Variants in TOP1MT observed in about 807,000 individuals in gnomAD.
TOP1MT encodes DNA topoisomerase I, mitochondrial.
A neutral mutation model predicts 73.9 loss-of-function variants in TOP1MT; 80 were observed. That is an observed-to-expected ratio of 1.08 (90% confidence interval 0.90 to 1.30). The LOEUF (loss-of-function observed/expected upper bound fraction) is 1.30. Among genes scored for constraint, TOP1MT ranks in the 50% most tolerant of loss-of-function variants. The probability of loss-of-function intolerance (pLI) is 0.00; values close to 1 mark genes in which losing one functional copy is unlikely to be tolerated. For missense variants in TOP1MT, 815 were observed against 808.0 expected, an observed-to-expected ratio of 1.01 and a Z score of -0.10; for synonymous variants, 338 against 326.4, an observed-to-expected ratio of 1.04 and a Z score of -0.38.
At position 143,310,174 on chromosome 8, in the gene TOP1MT, G is replaced by C. The variant is rs149953316; in HGVS notation, c.1597C>G (p.Gln533Glu). The change falls in exon 13 of 14, where the codon CAG becomes GAG. Residue 533 changes from glutamine (Q) to glutamate (E), a missense_variant. By Grantham distance (29) the Gln-to-Glu change is conservative. Transcript: ENST00000329245. ...GCCTGCACACTCAGCTGCGCCAGCT[G>C]CTCCTGCAGCTTCTCCAGGAGCCGC... is the stretch of plus-strand genomic sequence containing the variant. ...KRRLLEKLQE[Q>E]LAQLSVQATD... 1 of 1,603,106 alleles carries C rather than the reference G, an allele frequency of 6.2e-7. No individual in the cohort carries two copies. The highest frequency in any genetic ancestry group is 1.3e-5 in the African/African-American group (1 of 74,522).
At position 143,321,267 on chromosome 8, in the gene TOP1MT, C is replaced by T; in HGVS notation, c.1080G>A (p.Val360=). 1 of 1,612,596 alleles carries T rather than the reference C, an allele frequency of 6.2e-7. No homozygotes were observed. Among genetic ancestry groups the T allele is most frequent in the Non-Finnish European group, 8.5e-7 (1 of 1,179,196 alleles). The part of the protein sequence containing the change: ...LHPEADGCQH[V]VEFDFLGKDC... Reference sequence around the variant, plus strand: ...CCTTCCCCAGGAAGTCAAATTCCACCACGTGTTGGCAGCCATCGGCCTCCG... The same window carrying T: ...CCTTCCCCAGGAAGTCAAATTCCACTACGTGTTGGCAGCCATCGGCCTCCG... Residue 360 remains valine (V), a synonymous_variant, in exon 8 of 14, where the codon GTG becomes GTA. Transcript: ENST00000329245.
At chr8:143,323,935 A>C in intron 7 of TOP1MT, 64 bp downstream of exon 7, 1 of 1,594,526 alleles carries the variant, frequency 6.3e-7, no homozygotes, top group Non-Finnish European at 8.6e-7. Context: ...TGCACCATCC[A>C]ACTGGGAGTC....
upstream of TOP1MT, among the ~76,000 whole-genome samples, chr8:143,339,128 G>A (rs181272845): frequency 9.6e-3 from 1,456 of 152,224 alleles, 21 homozygotes; most frequent in African/African-American, 0.032. Context: ...GGTGGGAGGC[G>A]GCGCCGCCCA....
intron 8 of TOP1MT, among the ~76,000 whole-genome samples, chr8:143,318,920 G>A (rs1033007020): frequency 3.9e-5 from 6 of 152,230 alleles, no homozygotes; most frequent in African/African-American, 1.2e-4. Context: ...GAGGCTTTAT[G>A]TCCCGCCTTT....
chr8:143,325,315 G>A, intron 5 of TOP1MT, 31 bp downstream of exon 5: 4 of 1,567,816 alleles, frequency 2.6e-6, no homozygotes, highest in Non-Finnish European at 3.5e-6. Flanking sequence ...CGGGGGTCCA[G>A]TGCCCGCCTG....
chr8:143,345,939 C>G (rs1195502792), upstream of TOP1MT, among the ~76,000 whole-genome samples: 1 of 152,210 alleles, frequency 6.6e-6, no homozygotes, highest in Non-Finnish European at 1.5e-5. Context: ...AAATCATCAC[C>G]AGGGAGATGC....
chr8:143,319,982 A>G (rs1202461687), intron 8 of TOP1MT, among the ~76,000 whole-genome samples: 2 of 151,414 alleles, frequency 1.3e-5, no homozygotes, highest in East Asian at 4.0e-4. Flanking sequence ...AAATCAGCTG[A>G]GCTTGGTGGC....
intron 1 of TOP1MT, among the ~76,000 whole-genome samples, chr8:143,332,266 G>A (rs903838864): frequency 2.0e-4 from 31 of 152,234 alleles, no homozygotes; most frequent in Non-Finnish European, 2.2e-4. Flanking sequence ...GGGAGAAGAG[G>A]AGCGAGATGG....
At chr8:143,342,318 CAG>C (rs1277619153) in intron 2 of TOP1MT, among the ~76,000 whole-genome samples, 3 of 132,382 alleles carry the variant, frequency 2.3e-5, no homozygotes, top group South Asian at 2.2e-4. Context: ...TTATTAGAGA[CAG>C]AGTCTCGCTG....
At chr8:143,326,421 A>T in intron 3 of TOP1MT, 77 bp from the exon 4 acceptor site, 2 of 1,585,772 alleles carry the variant, frequency 1.3e-6, no homozygotes, top group South Asian at 1.1e-5. Context: ...TGTCTGACGG[A>T]CAGAAACGCG....
intron 3 of TOP1MT, among the ~76,000 whole-genome samples, chr8:143,328,694 A>G (rs1816769359): frequency 6.6e-6 from 1 of 152,254 alleles, no homozygotes; most frequent in Non-Finnish European, 1.5e-5. Context: ...TAAAACAGGA[A>G]TTAATCAAAC....
At chr8:143,326,794 C>G (rs766176994) in intron 3 of TOP1MT, among the ~76,000 whole-genome samples, 1 of 152,148 alleles carries the variant, frequency 6.6e-6, no homozygotes, top group Non-Finnish European at 1.5e-5. Flanking sequence ...ACGGGATTCG[C>G]GAGGGCAAAG....
rs933861331 is a variant in TOP1MT at position 143,329,772 on chromosome 8, G to A, written c.239-301C>T. On this transcript the variant is annotated intron_variant, in intron 2 of 13. Coordinates refer to ENST00000329245, the MANE Select transcript of TOP1MT (RefSeq NM_052963.3). ...TACTACATTTATATTACATGAAAAT[G>A]GAACATGTACAATTTTAAAACACAC... is the stretch of plus-strand genomic sequence containing the variant. Among the ~76,000 whole-genome samples, 3 of 152,226 alleles carry A rather than the reference G, an allele frequency of 2.0e-5. No individual in the cohort carries two copies. In the East Asian group the frequency reaches 5.8e-4, roughly 29 times the overall value.
In TOP1MT at chr8:143,313,680, C is replaced by T. The variant is rs188472545; in HGVS notation, c.1553+2047G>A. On this transcript the variant is annotated intron_variant, in intron 12 of 13. Coordinates refer to ENST00000329245, the MANE Select transcript of TOP1MT (RefSeq NM_052963.3). Reference sequence around the variant, plus strand: ...ACCAGCCTGGGCAACATGGTGAAACCCCGTCTCTACTAAAATACAAAAAAA... The same window carrying T: ...ACCAGCCTGGGCAACATGGTGAAACTCCGTCTCTACTAAAATACAAAAAAA... Among the ~76,000 whole-genome samples, 5 of 151,260 alleles carry T rather than the reference C, an allele frequency of 3.3e-5. No individual in the cohort carries two copies. In the East Asian group the frequency reaches 7.8e-4, roughly 24 times the overall value.
rs78269555 is a variant in TOP1MT, at chr8:143,354,853, T to G, written c.-39+1112A>C. The stretch of plus-strand genomic sequence containing the variant: ...GGGCTGCTGCATGGTCAGACCACAC[T>G]TAAGGACAGGAAAAAAAAGGGACAA... On this transcript the variant is annotated intron_variant, in intron 1 of 5. Transcript: ENST00000518760. 7.4e-3 allele frequency among the ~76,000 whole-genome samples: 1,119 copies of G among 151,196 alleles called. 18 individuals are homozygous for G. Among genetic ancestry groups the G allele is most frequent in the African/African-American group, 0.026 (1,064 of 41,104 alleles).
At chr8:143,325,300 G>A in intron 5 of TOP1MT, 46 bp downstream of exon 5, 2 of 1,533,800 alleles carry the variant, frequency 1.3e-6, no homozygotes, top group Non-Finnish European at 1.8e-6. Context: ...GCCTCACCCG[G>A]GTGGCGGGGG....
Position 143,329,375 on chromosome 8 carries a change from T to C in TOP1MT, c.335A>G (p.Lys112Arg). The C allele has an allele frequency of 6.2e-7, 1 of 1,608,546 alleles. No individual in the cohort carries two copies. Among genetic ancestry groups the C allele is most frequent in the Non-Finnish European group, 8.5e-7 (1 of 1,178,512 alleles). The change falls in exon 3 of 14, where the codon AAG becomes AGG. Residue 112 changes from lysine to arginine, a missense_variant. Physicochemically the swap from Lys to Arg is conservative, Grantham distance 26 (BLOSUM62 2). Around this residue, in one of 3 missense-constraint regions of TOP1MT, gnomAD observed 751 missense variants for 725.4 expected, o/e 1.04. Transcript: ENST00000329245. ...CTTTCGCCAGTCATTGAAGAAGTTC[T>C]TCCGGAAAACCTCCTTTGTTGTGTA... Reference protein sequence around the residue: ...HEYTTKEVFRKNFFNDWRKEM... With the variant: ...HEYTTKEVFRRNFFNDWRKEM...
At chr8:143,342,836 G>A (rs564063104) in intron 2 of TOP1MT, among the ~76,000 whole-genome samples, 8 of 143,706 alleles carry the variant, frequency 5.6e-5, no homozygotes, top group East Asian at 3.9e-4. Context: ...CCAGGCTGGA[G>A]TGCAGTGGCG....
chr8:143,356,302 C>CAA (rs1817406272), upstream of TOP1MT, among the ~76,000 whole-genome samples: 1 of 152,236 alleles, frequency 6.6e-6, no homozygotes, highest in African/African-American at 2.4e-5. Context: ...CCAGGATGGA[C>CAA]AAGCGTGCAG....
Sources: gnomAD v4.1 joint callset for allele counts (sites outside exome capture counted in the v4.1 genomes callset) on GRCh38, gnomAD v4.1.1 for gene constraint, gnomAD v4.1.1 regional missense constraint, MANE v1.5 for transcripts, NCBI Gene and HGNC (gene_info 2026-07-23, HGNC 2026-07-21) for gene names.